TSGA10: variants seen among roughly 807,000 people sequenced by gnomAD.
The protein encoded by TSGA10 is testis specific 10.
A neutral mutation model predicts 96.6 loss-of-function variants in TSGA10; 43 were observed. The ratio of observed to expected loss-of-function variants is 0.44; its 90% CI spans 0.35 to 0.57. The LOEUF is 0.57. Ranked by LOEUF, TSGA10 falls within the 20% of genes least tolerant of loss-of-function variation. The probability of loss-of-function intolerance (pLI) is 0.01; values close to 1 mark genes in which losing one functional copy is unlikely to be tolerated. For missense variants in TSGA10, 703 were observed against 834.4 expected, an observed-to-expected ratio of 0.84 and a Z score of 1.94; for synonymous variants, 229 against 269.9, an observed-to-expected ratio of 0.85 and a Z score of 1.48.
chr2:99,126,326 G>T (rs1012461482), intron 2 of TSGA10: 2 of 152,076 alleles, frequency 1.3e-5, no homozygotes, highest in African/African-American at 4.8e-5. Context: ...CCTTTTCTTC[G>T]GTCTTTCTTT....
chr2:99,086,962 T>C (rs951857977), intron 10 of TSGA10, among the ~76,000 whole-genome samples: 2 of 151,744 alleles, frequency 1.3e-5, no homozygotes, highest in Non-Finnish European at 2.9e-5. Flanking sequence ...CCCAGCACTT[T>C]GGGAGGCCAA....
rs938008658 is a variant in TSGA10 at position 99,033,667 on chromosome 2, G to A, written c.1614+1563C>T. Among the ~76,000 whole-genome samples the A allele has an allele frequency of 4.6e-5, 7 of 151,562 alleles. No individual in the cohort carries two copies. The South Asian group carries it at 8.4e-4, about 18-fold the overall frequency. Reference sequence around the variant, plus strand: ...ACCAGCCTGGCCAACATGGTGAAATGCTGTCTTACTAAAAATACAAAAATC... The same window carrying A: ...ACCAGCCTGGCCAACATGGTGAAATACTGTCTTACTAAAAATACAAAAATC... On this transcript the variant is annotated intron_variant, in intron 17 of 20. Transcript: ENST00000393483.
At chr2:99,026,828 T>C (rs1026076714) in intron 17 of TSGA10, among the ~76,000 whole-genome samples, 1 of 152,154 alleles carries the variant, frequency 6.6e-6, no homozygotes, top group Non-Finnish European at 1.5e-5. Context: ...GTGGTATATA[T>C]ACAAAATGGA....
At chr2:99,145,987 A>C (rs2093627898) in intron 1 of TSGA10, among the ~76,000 whole-genome samples, 1 of 152,082 alleles carries the variant, frequency 6.6e-6, no homozygotes. Context: ...TGAATTTTAA[A>C]AATTAGCCAG....
intron 12 of TSGA10, among the ~76,000 whole-genome samples, chr2:99,074,375 T>TGTGTGTGTGTGTGTGTGC (rs1216106717): frequency 6.6e-6 from 1 of 151,774 alleles, no homozygotes; most frequent in Non-Finnish European, 1.5e-5. Context: ...TGTGTGTGTG[T>TGTGTGTGTGTGTGTGTGC]GCTATCTTCC....
chr2:99,078,258 AAG>A (rs1196072522), intron 12 of TSGA10, among the ~76,000 whole-genome samples: 1 of 145,898 alleles, frequency 6.9e-6, no homozygotes, highest in African/African-American at 2.6e-5. Context: ...GCAAGGGAGG[AAG>A]ACTCCCGTTT....
intron 16 of TSGA10, among the ~76,000 whole-genome samples, chr2:99,039,035 T>C (rs2081935313): frequency 6.6e-6 from 1 of 152,128 alleles, no homozygotes; most frequent in African/African-American, 2.4e-5. Context: ...TGCTCTTGAA[T>C]GATCTCTGGT....
chr2:99,064,420 A>T (rs374028483), intron 16 of TSGA10, among the ~76,000 whole-genome samples: 6 of 152,294 alleles, frequency 3.9e-5, no homozygotes, highest in African/African-American at 1.4e-4. Context: ...GTTTGTTTTC[A>T]CTTAAATAAA....
intron 4 of TSGA10, among the ~76,000 whole-genome samples, chr2:99,116,408 C>T (rs1389290557): frequency 6.6e-6 from 1 of 151,962 alleles, no homozygotes; most frequent in Non-Finnish European, 1.5e-5. Context: ...GTAACTAAAA[C>T]AATGTGATGG....
At chr2:99,087,837 C>A (rs1174938868) in intron 10 of TSGA10, among the ~76,000 whole-genome samples, 1 of 151,844 alleles carries the variant, frequency 6.6e-6, no homozygotes, top group African/African-American at 2.4e-5. Context: ...AACCACCAAG[C>A]AAAAAAATGA....
At chr2:99,008,135 G>C (rs1273968631) in intron 20 of TSGA10, among the ~76,000 whole-genome samples, 4 of 152,090 alleles carry the variant, frequency 2.6e-5, no homozygotes, top group Non-Finnish European at 5.9e-5. Context: ...ACTATCTGGG[G>C]AGAGAGAAAG....
At chr2:99,052,485 TC>T (rs2083491753) in intron 16 of TSGA10, among the ~76,000 whole-genome samples, 1 of 152,026 alleles carries the variant, frequency 6.6e-6, no homozygotes, top group Admixed American at 6.6e-5. Flanking sequence ...AATAAATCTG[TC>T]CCAGAACTTT....
At chr2:99,050,092 T>C (rs970110898) in intron 16 of TSGA10, among the ~76,000 whole-genome samples, 30 of 152,220 alleles carry the variant, frequency 2.0e-4, no homozygotes, top group African/African-American at 2.4e-4. Flanking sequence ...CAAAGCTTTA[T>C]TGGACTAAGG....
At chr2:99,096,943 A>C (rs946868209) in intron 10 of TSGA10, among the ~76,000 whole-genome samples, 23 of 152,200 alleles carry the variant, frequency 1.5e-4, no homozygotes, top group Admixed American at 1.4e-3. Context: ...AACTGATATT[A>C]CTAAACTAAA....
intron 16 of TSGA10, among the ~76,000 whole-genome samples, chr2:99,064,529 A>G (rs1303653866): frequency 3.3e-5 from 5 of 152,224 alleles, no homozygotes; most frequent in African/African-American, 9.6e-5. Context: ...CTGACAGGAA[A>G]GTTATGCACA....
At chr2:99,011,486 A>G (rs1182354902) in intron 20 of TSGA10, among the ~76,000 whole-genome samples, 1 of 152,180 alleles carries the variant, frequency 6.6e-6, no homozygotes, top group African/African-American at 2.4e-5. Context: ...AGAATTTTAA[A>G]AAATGAACAA....
chr2:99,055,109 TG>T (rs1329535495), intron 16 of TSGA10, among the ~76,000 whole-genome samples: 3 of 152,190 alleles, frequency 2.0e-5, no homozygotes, highest in Admixed American at 2.0e-4. Context: ...TCAACCTAAG[TG>T]TCCATCAGTG....
chr2:99,112,998 T>C (rs1205248923), intron 4 of TSGA10, among the ~76,000 whole-genome samples: 2 of 151,410 alleles, frequency 1.3e-5, no homozygotes, highest in Non-Finnish European at 3.0e-5. Context: ...TCCAGTAACA[T>C]AGCCCCTAGG....
In TSGA10 at chr2:99,077,127, C is replaced by CTTTTTTTT. The variant is rs35876721; in HGVS notation, c.882+1524_882+1531dup. On this transcript the variant is annotated intron_variant, in intron 12 of 20. Transcript: ENST00000393483. The stretch of plus-strand genomic sequence containing the variant: ...GGCTTTGAGAAGGCGGACCATTCAC[C>CTTTTTTTT]TTTTTTTTTTTTTTTTTTTTTTTTT... Among the ~76,000 whole-genome samples the CTTTTTTTT allele has an allele frequency of 1.8e-4, 13 of 70,462 alleles. 2 individuals are homozygous for CTTTTTTTT. The highest frequency in any genetic ancestry group is 4.9e-4 in the Admixed American group (3 of 6,140). 46.2% of individuals were successfully genotyped at this position (70,462 alleles called of 152,430 possible).
Sources: gnomAD v4.1 joint callset for allele counts (sites outside exome capture counted in the v4.1 genomes callset) on GRCh38, gnomAD v4.1.1 for gene constraint, MANE v1.5 for transcripts, NCBI Gene and HGNC (gene_info 2026-07-23, HGNC 2026-07-21) for gene names.